Variants in PTPRK observed in about 807,000 individuals in gnomAD.
PTPRK encodes the protein protein tyrosine phosphatase receptor type K.
In PTPRK, 75 loss-of-function variants were observed where a neutral mutation model predicts 178.0. The observed-to-expected ratio is 0.42, with a 90% CI of 0.35 to 0.51. The LOEUF (loss-of-function observed/expected upper bound fraction) is 0.51. PTPRK is among the 20% of genes least tolerant of loss of function. PTPRK has a pLI of 0.02. For missense variants in PTPRK, 1,441 were observed against 1,797.8 expected (o/e 0.80, Z 3.59); for synonymous variants, 637 against 620.6 (o/e 1.03, Z -0.39).
chr6:128,340,902 G>A (rs1017890944), intron 2 of PTPRK: 3 of 331,758 alleles, frequency 9.0e-6, no homozygotes, highest in Non-Finnish European at 1.7e-5. Context: ...GCTTTTGATA[G>A]ACTAATAGAT....
Position 128,067,650 on chromosome 6 carries a change from G to C in PTPRK, c.2026C>G (p.Pro676Ala). The change falls in exon 12 of 30, where the codon CCG becomes GCG. Residue 676 changes from proline to alanine, a missense_variant. Pro to Ala is a conservative substitution (Grantham distance 27). Around this residue, in one of 4 missense-constraint regions of PTPRK, gnomAD observed 945 missense variants for 1,080.6 expected, o/e 0.87. Coordinates refer to ENST00000368226, the MANE Select transcript of PTPRK (RefSeq NM_002844.4). ...APYYFAAELP[P>A]GNLPEPAPFT... ...GGGGCAGGCTCAGGTAGGTTTCCCG[G>C]GGGGAGTTCTGCAGCAAAGTAATAC... 1 of 1,613,736 alleles carries C rather than the reference G, an allele frequency of 6.2e-7. No homozygotes were observed. Among genetic ancestry groups the C allele is most frequent in the Non-Finnish European group, 8.5e-7 (1 of 1,179,788 alleles).
intron 1 of PTPRK, among the ~76,000 whole-genome samples, chr6:128,421,500 C>T (rs1843478185): frequency 6.6e-6 from 1 of 152,050 alleles, no homozygotes; most frequent in African/African-American, 2.4e-5. Context: ...AATGGTAATA[C>T]TCCTCTGACA....
chr6:128,284,195 T>C (rs1386904906), intron 3 of PTPRK, among the ~76,000 whole-genome samples: 1 of 152,180 alleles, frequency 6.6e-6, no homozygotes, highest in Admixed American at 6.5e-5. Context: ...CATCTCTCAA[T>C]TCCCAAAGCA....
intron 2 of PTPRK, among the ~76,000 whole-genome samples, chr6:128,382,652 C>A (rs1413632872): frequency 6.6e-6 from 1 of 151,812 alleles, no homozygotes; most frequent in Non-Finnish European, 1.5e-5. Context: ...GTTGGCCAGG[C>A]TGGTCTCGAA....
chr6:128,495,892 G>A (rs1367346427), intron 1 of PTPRK, among the ~76,000 whole-genome samples: 4 of 152,192 alleles, frequency 2.6e-5, no homozygotes, highest in South Asian at 4.2e-4. Flanking sequence ...CCAATGCACC[G>A]CATTCTCTCC....
intron 3 of PTPRK, among the ~76,000 whole-genome samples, chr6:128,314,839 T>C (rs113103551): frequency 1.3e-5 from 2 of 149,980 alleles, no homozygotes; most frequent in African/African-American, 4.9e-5. Flanking sequence ...CCACCACTAT[T>C]TAAAAAAAAA....
chr6:128,051,069 A>AT (rs1778925184), intron 13 of PTPRK, among the ~76,000 whole-genome samples: 3 of 151,920 alleles, frequency 2.0e-5, no homozygotes. Context: ...ACACTTCTCA[A>AT]TTTTTTCTGT....
In PTPRK at chr6:128,064,908, AACAGAATTTTAATATTAAG is replaced by A. The variant is rs1228685657; in HGVS notation, c.2158-133_2158-115del. ...GGGGTCATAAAAAGGGATTATAAAC[AACAGAATTTTAATATTAAG>A]AAAACTTTAAAAAATATGCCCCCCT... is the stretch of plus-strand genomic sequence containing the variant. On this transcript the variant is annotated intron_variant, in intron 12 of 29. Coordinates refer to ENST00000368226, the MANE Select transcript of PTPRK (RefSeq NM_002844.4). 4.2e-6 allele frequency: 5 copies of A among 1,192,258 alleles called. No individual in the cohort carries two copies. In the African/African-American group the frequency reaches 7.9e-5, roughly 19 times the overall value. The allele number at this position is 1,192,258 out of a possible 1,614,324, so 73.9% of individuals were successfully genotyped here. A position where few individuals can be genotyped will look rare whatever the true frequency, so the allele number is the denominator to read the frequency against.
intron 13 of PTPRK, among the ~76,000 whole-genome samples, chr6:128,049,845 T>C (rs1333661146): frequency 6.6e-6 from 1 of 152,112 alleles, no homozygotes; most frequent in East Asian, 1.9e-4. Context: ...AAATTACATA[T>C]ACAAAGATAG....
chr6:128,030,917 AT>A lies in PTPRK; in HGVS notation c.2195-21650del, dbSNP rs888112837. 3.9e-5 allele frequency among the ~76,000 whole-genome samples: 6 copies of A among 152,214 alleles called. No individual in the cohort carries two copies. In the East Asian group the frequency reaches 5.8e-4, roughly 15 times the overall value. ...ATTGCATGATTGAACCATAGCATTC[AT>A]TTTTTTCCCCAGCAAATATTTATTA... On this transcript the variant is annotated intron_variant, in intron 13 of 29. Coordinates refer to ENST00000368226, the MANE Select transcript of PTPRK (RefSeq NM_002844.4).
At chr6:128,152,091 A>C (rs1019391493) in intron 7 of PTPRK, among the ~76,000 whole-genome samples, 2 of 152,068 alleles carry the variant, frequency 1.3e-5, no homozygotes, top group African/African-American at 4.8e-5. Flanking sequence ...AAGTGCCACA[A>C]GGTCAGGAAG....
chr6:128,136,124 CTG>C (rs1399284462), intron 7 of PTPRK, among the ~76,000 whole-genome samples: 2 of 152,128 alleles, frequency 1.3e-5, no homozygotes, highest in African/African-American at 4.8e-5. Context: ...GGAAAGAACA[CTG>C]TGAGGACACA....
intron 3 of PTPRK, among the ~76,000 whole-genome samples, chr6:128,281,424 A>G (rs1821654223): frequency 6.6e-6 from 1 of 152,168 alleles, no homozygotes; most frequent in Non-Finnish European, 1.5e-5. Flanking sequence ...TATTCCTCCA[A>G]ATGAATGTGA....
At chr6:128,344,508 C>T (rs1020183881) in intron 2 of PTPRK, among the ~76,000 whole-genome samples, 1 of 152,060 alleles carries the variant, frequency 6.6e-6, no homozygotes, top group African/African-American at 2.4e-5. Flanking sequence ...AGTCTTTTAT[C>T]CACCCCCTCC....
chr6:128,226,928 G>A (rs2128276952), intron 5 of PTPRK, among the ~76,000 whole-genome samples: 1 of 151,632 alleles, frequency 6.6e-6, no homozygotes, highest in African/African-American at 2.4e-5. Context: ...TTCTGATTTG[G>A]TTCTGATTCT....
chr6:128,072,139 A>G (rs574744754), intron 11 of PTPRK, among the ~76,000 whole-genome samples: 2 of 152,148 alleles, frequency 1.3e-5, no homozygotes, highest in South Asian at 4.1e-4. Context: ...TAGTTAATAT[A>G]TTCCCCATTC....
At chr6:127,995,229 T>C in intron 18 of PTPRK, 1 of 1,589,780 alleles carries the variant, frequency 6.3e-7, no homozygotes, top group Non-Finnish European at 8.6e-7. Context: ...GTGCTGTTAT[T>C]TACATATAGT....
Position 127,991,330 on chromosome 6 carries a change from G to A in PTPRK, c.2943C>T (p.Cys981=). Residue 981 remains cysteine (C), a synonymous_variant, in exon 20 of 30, where the codon TGC becomes TGT. Coordinates refer to ENST00000368226, the MANE Select transcript of PTPRK (RefSeq NM_002844.4). ...CAACTAAATTTGTAACCATCACAAT[G>A]CAAGCAGATTGTTCTTGCCAAATCA... is the stretch of plus-strand genomic sequence containing the variant. ...WRMIWQEQSA[C]IVMVTNLVEV... 1 of 1,600,750 alleles carries A rather than the reference G, an allele frequency of 6.2e-7. No homozygotes were observed. The highest frequency in any genetic ancestry group is 8.5e-7 in the Non-Finnish European group (1 of 1,173,840).
At chr6:128,462,458 G>A (rs1440237248) in intron 1 of PTPRK, among the ~76,000 whole-genome samples, 1 of 151,728 alleles carries the variant, frequency 6.6e-6, no homozygotes, top group African/African-American at 2.4e-5. Flanking sequence ...ATGTAACTTA[G>A]CATTTATTAC....
Sources: allele counts gnomAD v4.1 joint callset (sites outside exome capture counted in the v4.1 genomes callset), GRCh38; gene constraint gnomAD v4.1.1; regional missense constraint gnomAD v4.1.1; transcripts MANE v1.5; gene names NCBI Gene and HGNC (gene_info 2026-07-23, HGNC 2026-07-21).